The following JARID2 variants were observed in gnomAD, a reference collection of about 807,000 sequenced individuals.
JARID2 encodes jumonji and AT-rich interaction domain containing 2.
A neutral mutation model predicts 125.6 loss-of-function variants in JARID2; 21 were observed. The observed-to-expected ratio is 0.17, with a 90% CI of 0.12 to 0.24. The LOEUF (loss-of-function observed/expected upper bound fraction) is 0.24. Ranked by LOEUF, JARID2 falls within the 10% of genes least tolerant of loss-of-function variation. The pLI, the probability that JARID2 is intolerant of heterozygous loss-of-function variation, is 1.00. For missense variants in JARID2, 1,303 were observed against 1,639.6 expected (o/e 0.79, Z 3.55); for synonymous variants, 736 against 661.6 (o/e 1.11, Z -1.73).
chr6:15,382,341 C>G (rs1764623022), intron 2 of JARID2, among the ~76,000 whole-genome samples: 1 of 152,170 alleles, frequency 6.6e-6, no homozygotes, highest in South Asian at 2.1e-4. Context: ...GTCAGAGACC[C>G]AGTCCTAAGA....
chr6:15,435,589 T>C (rs895799910), intron 3 of JARID2, among the ~76,000 whole-genome samples: 3 of 152,242 alleles, frequency 2.0e-5, no homozygotes, highest in Non-Finnish European at 2.9e-5. Flanking sequence ...GCTTTTGTTC[T>C]TAGAATTTCC....
chr6:15,518,500 T>C (rs1368339619), intron 17 of JARID2, among the ~76,000 whole-genome samples: 1 of 152,202 alleles, frequency 6.6e-6, no homozygotes, highest in Admixed American at 6.5e-5. Context: ...TTTTTGTTTT[T>C]AAGACGGAGT....
At chr6:15,277,315 G>C (rs1023577163) in intron 1 of JARID2, among the ~76,000 whole-genome samples, 1 of 152,056 alleles carries the variant, frequency 6.6e-6, no homozygotes, top group Admixed American at 6.6e-5. Flanking sequence ...ATAGAAACAG[G>C]GTCTTGCTAT....
intron 1 of JARID2, among the ~76,000 whole-genome samples, chr6:15,362,616 A>G (rs772175133): frequency 1.6e-4 from 25 of 152,186 alleles, no homozygotes; most frequent in African/African-American, 3.4e-4. Flanking sequence ...GGCTGATGAT[A>G]GGTCTTTATG....
intron 1 of JARID2, among the ~76,000 whole-genome samples, chr6:15,327,250 GTTTTCTT>G (rs1447704624): frequency 6.6e-6 from 1 of 151,540 alleles, no homozygotes; most frequent in African/African-American, 2.4e-5. Context: ...TTCCTTTTTT[GTTTTCTT>G]TTTTAAGAGA....
chr6:15,417,758 A>G (rs1581533751), intron 3 of JARID2, among the ~76,000 whole-genome samples: 1 of 152,246 alleles, frequency 6.6e-6, no homozygotes, highest in South Asian at 2.1e-4. Context: ...AAACTAAATA[A>G]GCGAATAAAT....
chr6:15,438,554 A>T (rs541328262), intron 3 of JARID2, among the ~76,000 whole-genome samples: 2 of 152,098 alleles, frequency 1.3e-5, no homozygotes, highest in Non-Finnish European at 2.9e-5. Flanking sequence ...TATTTTTCTG[A>T]CAATTCCAAC....
Position 15,482,583 on chromosome 6 carries a change from C to T in JARID2, c.671-4724C>T, listed in dbSNP as rs546583640. 9.2e-5 allele frequency among the ~76,000 whole-genome samples: 14 copies of T among 152,324 alleles called. No individual in the cohort carries two copies. In the South Asian group the frequency reaches 2.7e-3, roughly 29 times the overall value. The stretch of plus-strand genomic sequence containing the variant: ...CGTTAATGTCTTACTAAGTAGGATA[C>T]AGCCATATTATGATTGCTTCTGTAT... On this transcript the variant is annotated intron_variant, in intron 5 of 17. Coordinates refer to ENST00000341776, the MANE Select transcript of JARID2 (RefSeq NM_004973.4).
intron 1 of JARID2, among the ~76,000 whole-genome samples, chr6:15,358,527 C>T (rs927855846): frequency 6.6e-6 from 1 of 152,174 alleles, no homozygotes; most frequent in Non-Finnish European, 1.5e-5. Flanking sequence ...GCAACCGAAG[C>T]TTTGAATGGA....
chr6:15,283,528 G>C (rs537288570), intron 1 of JARID2, among the ~76,000 whole-genome samples: 4 of 147,622 alleles, frequency 2.7e-5, no homozygotes, highest in South Asian at 2.2e-4. Context: ...ATTTTTATTA[G>C]AGACGGGATT....
intron 3 of JARID2, among the ~76,000 whole-genome samples, chr6:15,411,482 T>C (rs910227074): frequency 2.0e-5 from 3 of 152,238 alleles, no homozygotes; most frequent in Admixed American, 2.0e-4. Flanking sequence ...CTCAGCACTT[T>C]GTCTTAGAAG....
intron 3 of JARID2, among the ~76,000 whole-genome samples, chr6:15,442,616 C>T (rs774422717): frequency 2.6e-5 from 4 of 152,148 alleles, no homozygotes; most frequent in Admixed American, 6.5e-5. Context: ...GGGGTTATGC[C>T]GTGTGGGGAT....
At position 15,246,545 on chromosome 6, in the gene JARID2, C is replaced by T. The variant is rs779846440; in HGVS notation, c.6C>T (p.Ser2=). Residue 2 remains serine (S), a synonymous_variant, in exon 1 of 18, where the codon AGC becomes AGT. Coordinates refer to ENST00000341776, the MANE Select transcript of JARID2 (RefSeq NM_004973.4). The part of the protein sequence containing the change: M[S]KERPKRNIIQ... ...ATCAGCATTTGGATCTCAGAATGAG[C>T]AAGGAAAGACCCAAGAGGAATATCA... 6.2e-7 allele frequency: 1 copy of T among 1,613,296 alleles called. No individual in the cohort carries two copies. Among genetic ancestry groups the T allele is most frequent in the South Asian group, 1.1e-5 (1 of 91,026 alleles).
chr6:15,443,964 C>T (rs1159618559), intron 3 of JARID2, among the ~76,000 whole-genome samples: 2 of 152,166 alleles, frequency 1.3e-5, no homozygotes, highest in South Asian at 4.1e-4. Flanking sequence ...ACGCAAATTC[C>T]GGCTATGGCA....
At chr6:15,320,848 C>CTGTGTGTG (rs764906403) in intron 1 of JARID2, among the ~76,000 whole-genome samples, 66 of 135,134 alleles carry the variant, frequency 4.9e-4, no homozygotes, top group African/African-American at 1.8e-3. Context: ...TTCTCTCTCT[C>CTGTGTGTG]TCTCTGTGTG....
In JARID2 at chr6:15,520,688, C is replaced by T. The variant is rs577993566; in HGVS notation, c.*437C>T. 5.7e-3 allele frequency: 2,449 copies of T among 431,044 alleles called. 20 individuals carry two copies. The highest frequency in any genetic ancestry group is 0.015 in the South Asian group (920 of 62,926). The allele number at this position is 431,044 out of a possible 1,614,324, so 26.7% of individuals were successfully genotyped here. On this transcript the variant is annotated 3_prime_UTR_variant, in exon 18 of 18. Transcript: ENST00000341776. ...TTTTAGAAGGGATAGGAGACACACG[C>T]GCACACACACACACACACGAAACTT... is the stretch of plus-strand genomic sequence containing the variant.
chr6:15,510,657 C>T (rs1771233522), intron 12 of JARID2, among the ~76,000 whole-genome samples: 4 of 152,190 alleles, frequency 2.6e-5, no homozygotes, highest in Non-Finnish European at 1.5e-5. Flanking sequence ...TAGGCTGGGT[C>T]CTAACACGTA....
chr6:15,256,109 A>G (rs1404640182), intron 1 of JARID2, among the ~76,000 whole-genome samples: 1 of 152,236 alleles, frequency 6.6e-6, no homozygotes, highest in Non-Finnish European at 1.5e-5. Flanking sequence ...TGTAAACTGC[A>G]TACTGCTGCA....
chr6:15,322,087 G>GA (rs750258927), intron 1 of JARID2, among the ~76,000 whole-genome samples: 3 of 152,102 alleles, frequency 2.0e-5, no homozygotes, highest in Non-Finnish European at 2.9e-5. Context: ...GCCCGGCCTG[G>GA]AAGAAGTATT....
Sources: allele counts gnomAD v4.1 joint callset (sites outside exome capture counted in the v4.1 genomes callset), GRCh38; gene constraint gnomAD v4.1.1; transcripts MANE v1.5; gene names NCBI Gene and HGNC (gene_info 2026-07-23, HGNC 2026-07-21).